ZNF385D: variants seen among roughly 807,000 people sequenced by gnomAD.
ZNF385D encodes the protein zinc finger protein 385D.
In ZNF385D, 15 loss-of-function variants were observed where a neutral mutation model predicts 35.8. The observed-to-expected ratio is 0.42, with a 90% confidence interval of 0.28 to 0.64. The LOEUF is 0.64. ZNF385D is among the 30% of genes least tolerant of loss of function. The probability of loss-of-function intolerance (pLI) is 0.23; values close to 1 mark genes in which losing one functional copy is unlikely to be tolerated. For synonymous variants in ZNF385D, 212 were observed against 186.8 expected (o/e 1.13, Z -1.10); for missense variants, 474 against 494.6 (o/e 0.96, Z 0.39).
intron 2 of ZNF385D, among the ~76,000 whole-genome samples, chr3:22,223,005 C>T (rs779364130): frequency 1.3e-5 from 2 of 152,054 alleles, no homozygotes; most frequent in Non-Finnish European, 2.9e-5. Context: ...CATCCTTTTT[C>T]CAAACTGGGT....
intron 3 of ZNF385D, among the ~76,000 whole-genome samples, chr3:21,992,113 C>T (rs1429529203): frequency 6.6e-6 from 1 of 152,142 alleles, no homozygotes; most frequent in African/African-American, 2.4e-5. Flanking sequence ...TAATGCCCAG[C>T]AATCAGTACA....
chr3:21,632,669 C>T (rs1024309353), intron 2 of ZNF385D, among the ~76,000 whole-genome samples: 2 of 152,038 alleles, frequency 1.3e-5, no homozygotes, highest in African/African-American at 2.4e-5. Context: ...ACCAAAGAAA[C>T]GACAAATGTA....
chr3:22,038,898 A>C (rs1698496563), intron 3 of ZNF385D, among the ~76,000 whole-genome samples: 1 of 149,700 alleles, frequency 6.7e-6, no homozygotes, highest in Non-Finnish European at 1.5e-5. Flanking sequence ...TTTATTATAT[A>C]TAAACATATA....
chr3:21,499,107 A>T lies in ZNF385D; in HGVS notation c.439+11754T>A, dbSNP rs144793893. 2.8e-3 allele frequency among the ~76,000 whole-genome samples: 419 copies of T among 152,272 alleles called. 2 individuals carry two copies. Among genetic ancestry groups the T allele is most frequent in the African/African-American group, 9.8e-3 (406 of 41,568 alleles). On this transcript the variant is annotated intron_variant, in intron 4 of 7. Transcript: ENST00000281523. Reference sequence around the variant, plus strand: ...TAATGTAAAACATAATTACAATTAGACCCAGCAACCCCTTTTTTGAGTATA... The same window carrying T: ...TAATGTAAAACATAATTACAATTAGTCCCAGCAACCCCTTTTTTGAGTATA...
chr3:22,119,841 C>T (rs181681114), intron 3 of ZNF385D, among the ~76,000 whole-genome samples: 15 of 151,864 alleles, frequency 9.9e-5, no homozygotes, highest in African/African-American at 2.7e-4. Context: ...TTAGGTATTG[C>T]GGCTTTTTAA....
intron 4 of ZNF385D, among the ~76,000 whole-genome samples, chr3:21,483,495 T>C (rs1179704168): frequency 6.6e-6 from 1 of 152,170 alleles, no homozygotes; most frequent in Non-Finnish European, 1.5e-5. Context: ...AAGTATATGT[T>C]TACTTTTACA....
chr3:21,732,057 T>TGAGAACGGAG (rs2069038115), intron 1 of ZNF385D, among the ~76,000 whole-genome samples: 1 of 88,672 alleles, frequency 1.1e-5, no homozygotes, highest in Non-Finnish European at 2.3e-5. Context: ...TTTTTTTTTT[T>TGAGAACGGAG]TTTTTTTTTT....
At chr3:22,189,483 C>T (rs112484986) in intron 2 of ZNF385D, among the ~76,000 whole-genome samples, 467 of 152,126 alleles carry the variant, frequency 3.1e-3, no homozygotes, top group African/African-American at 0.011. Context: ...AGTATTCAAA[C>T]CTCTGTTTAG....
chr3:21,781,652 C>A (rs1295952704), intron 3 of ZNF385D, among the ~76,000 whole-genome samples: 1 of 151,996 alleles, frequency 6.6e-6, no homozygotes, highest in Non-Finnish European at 1.5e-5. Flanking sequence ...AGATTCCTTG[C>A]TGTTCTTGAC....
chr3:22,332,582 A>C (rs959097196), intron 2 of ZNF385D, among the ~76,000 whole-genome samples: 1 of 152,144 alleles, frequency 6.6e-6, no homozygotes, highest in Non-Finnish European at 1.5e-5. Context: ...AATGGATAGC[A>C]AGGAAACAAA....
chr3:22,342,869 C>G (rs953527827), intron 2 of ZNF385D, among the ~76,000 whole-genome samples: 4 of 152,176 alleles, frequency 2.6e-5, no homozygotes, highest in African/African-American at 9.6e-5. Context: ...CTGACTATTC[C>G]AAACCACAGT....
intron 3 of ZNF385D, among the ~76,000 whole-genome samples, chr3:21,995,321 C>T (rs1481132636): frequency 2.0e-5 from 3 of 152,200 alleles, no homozygotes; most frequent in African/African-American, 7.2e-5. Flanking sequence ...CCCATCAGTG[C>T]ACAAAGGCAC....
At chr3:21,459,431 T>C (rs1703028438) in intron 4 of ZNF385D, 1 of 152,146 alleles carries the variant, frequency 6.6e-6, no homozygotes, top group South Asian at 2.1e-4. Context: ...AATAATTGAA[T>C]CTAGTGTTGT....
chr3:21,663,801 T>C (rs941295094), intron 2 of ZNF385D, among the ~76,000 whole-genome samples: 82 of 149,186 alleles, frequency 5.5e-4, no homozygotes, highest in African/African-American at 1.6e-3. Context: ...TACTGACTCA[T>C]TGACATGTCC....
At chr3:22,082,186 C>A (rs1247311728) in intron 3 of ZNF385D, among the ~76,000 whole-genome samples, 1 of 152,024 alleles carries the variant, frequency 6.6e-6, no homozygotes, top group Non-Finnish European at 1.5e-5. Flanking sequence ...CCTGGTTTAT[C>A]TCACTGGGAC....
intron 2 of ZNF385D, among the ~76,000 whole-genome samples, chr3:21,605,600 G>A (rs1173698140): frequency 6.6e-6 from 1 of 152,090 alleles, no homozygotes; most frequent in African/African-American, 2.4e-5. Flanking sequence ...GCCTCTTCAG[G>A]AATCTTTCAG....
chr3:22,148,123 A>G (rs1028636955), intron 3 of ZNF385D, among the ~76,000 whole-genome samples: 2 of 152,144 alleles, frequency 1.3e-5, no homozygotes, highest in African/African-American at 4.8e-5. Context: ...AATTTATATA[A>G]CAACCCTCAT....
intron 3 of ZNF385D, among the ~76,000 whole-genome samples, chr3:21,782,500 T>G (rs1356776938): frequency 6.6e-6 from 1 of 152,134 alleles, no homozygotes; most frequent in Admixed American, 6.5e-5. Context: ...TTTGATCATT[T>G]TAATTGTCAC....
chr3:21,909,425 A>C (rs537168273), intron 3 of ZNF385D, among the ~76,000 whole-genome samples: 1 of 152,226 alleles, frequency 6.6e-6, no homozygotes, highest in South Asian at 2.1e-4. Context: ...GACTGATAAT[A>C]ACATCAGAGA....
Sources: allele counts gnomAD v4.1 joint callset (sites outside exome capture counted in the v4.1 genomes callset), GRCh38; gene constraint gnomAD v4.1.1; transcripts MANE v1.5; gene names NCBI Gene and HGNC (gene_info 2026-07-23, HGNC 2026-07-21).